Variants in ITIH5 observed in about 807,000 individuals in gnomAD.
ITIH5 encodes inter-alpha-trypsin inhibitor heavy chain H5.
A neutral mutation model predicts 77.5 loss-of-function variants in ITIH5; 65 were observed. That is an observed-to-expected ratio of 0.84 (90% CI 0.69 to 1.03). ITIH5 has a LOEUF of 1.03. ITIH5 is among the 50% of genes least tolerant of loss of function. The pLI, the probability that ITIH5 is intolerant of heterozygous loss-of-function variation, is 0.00. For missense variants in ITIH5, 1,208 were observed against 1,213.1 expected, an observed-to-expected ratio of 1.00 and a Z score of 0.06; for synonymous variants, 525 against 494.3, an observed-to-expected ratio of 1.06 and a Z score of -0.82.
rs748350605 is a variant in ITIH5, at chr10:7,666,793, C to A, written c.90+10G>T. On this transcript the variant is annotated intron_variant, in intron 1 of 13. Transcript: ENST00000397146. ...GCGCCCGGGACCCGGCTCCCCTCGG[C>A]TCCACTTACCTGCTCCGAAGAGTGG... is the stretch of plus-strand genomic sequence containing the variant. 1.9e-6 allele frequency: 3 copies of A among 1,600,804 alleles called. No homozygotes were observed. Among genetic ancestry groups the A allele is most frequent in the Non-Finnish European group, 2.6e-6 (3 of 1,174,036 alleles).
At chr10:7,611,510 T>C (rs1833243555) in intron 7 of ITIH5, among the ~76,000 whole-genome samples, 1 of 150,484 alleles carries the variant, frequency 6.6e-6, no homozygotes, top group African/African-American at 2.4e-5. Flanking sequence ...GGGCACTGGA[T>C]TGGACTAGGT....
At position 7,617,247 on chromosome 10, in the gene ITIH5, G is replaced by C. The variant is rs1244762516; in HGVS notation, c.688C>G (p.Gln230Glu). Residue 230 changes from glutamine to glutamate, a missense_variant, in exon 6 of 14, where the codon CAA (glutamine) becomes GAA (glutamate). Gln to Glu is a conservative substitution (Grantham distance 29, BLOSUM62 2). Coordinates refer to ENST00000397146, the MANE Select transcript of ITIH5 (RefSeq NM_030569.7). ...SGPPPSTVINQNETFANIIFK... is the reference protein window; with the variant it reads ...SGPPPSTVINENETFANIIFK... ...ATTATGTTGGCAAATGTTTCATTTT[G>C]GTTAATGACAGTAGATGGGGGAGGC... is the stretch of plus-strand genomic sequence containing the variant. 2.5e-6 allele frequency: 4 copies of C among 1,595,964 alleles called. No individual in the cohort carries two copies. In the Admixed American group the frequency reaches 6.9e-5, roughly 28 times the overall value.
intron 13 of ITIH5, among the ~76,000 whole-genome samples, chr10:7,565,574 T>A (rs1832133710): frequency 6.7e-6 from 1 of 149,092 alleles, no homozygotes; most frequent in Non-Finnish European, 1.5e-5. Flanking sequence ...ACAGACGGTA[T>A]ATATAATACA....
chr10:7,597,285 G>C (rs1832923300), intron 7 of ITIH5, among the ~76,000 whole-genome samples: 1 of 152,058 alleles, frequency 6.6e-6, no homozygotes, highest in Non-Finnish European at 1.5e-5. Flanking sequence ...ACTGTCCTTG[G>C]GCCTTCCTGA....
chr10:7,664,802 A>G (rs1337328030), intron 1 of ITIH5, among the ~76,000 whole-genome samples: 2 of 152,262 alleles, frequency 1.3e-5, no homozygotes, highest in African/African-American at 2.4e-5. Context: ...TTTAAAGACC[A>G]TAATGATTGA....
intron 8 of ITIH5, among the ~76,000 whole-genome samples, chr10:7,582,059 G>C (rs1832572586): frequency 6.6e-6 from 1 of 150,928 alleles, no homozygotes; most frequent in East Asian, 1.9e-4. Context: ...TACTTTTTTA[G>C]TAGAGACGGG....
At chr10:7,587,329 G>T (rs1002567988) in intron 7 of ITIH5, among the ~76,000 whole-genome samples, 3 of 152,212 alleles carry the variant, frequency 2.0e-5, no homozygotes, top group Non-Finnish European at 4.4e-5. Flanking sequence ...CATAGACACT[G>T]TGAGCAAACT....
intron 1 of ITIH5, among the ~76,000 whole-genome samples, chr10:7,661,790 A>G (rs1388988101): frequency 6.6e-6 from 1 of 152,054 alleles, no homozygotes; most frequent in East Asian, 1.9e-4. Flanking sequence ...AGCCTTGACT[A>G]CCTGGGCTCA....
In ITIH5 at chr10:7,576,633, G is replaced by T. The variant is rs752162414; in HGVS notation, c.1798C>A (p.Arg600=). 44 of 1,614,038 alleles carry T rather than the reference G, an allele frequency of 2.7e-5. No individual in the cohort carries two copies. In the South Asian group the frequency reaches 4.7e-4, roughly 17 times the overall value. Residue 600 remains arginine, a synonymous_variant, in exon 10 of 14, where the codon CGG becomes AGG. Transcript: ENST00000397146. The stretch of plus-strand genomic sequence containing the variant: ...AGGGCCTGGGCCCGCTGCCGCAGCC[G>T]CTCCTTCTCCGGTTCATCGTCACTT... The part of the protein sequence containing the change: ...LQSDDEPEKE[R]LRQRAQALAV...
In ITIH5 at chr10:7,628,972, C is replaced by CGTGTGTCCCTGTTGT. The variant is rs1411285669; in HGVS notation, c.652+8255_652+8256insACAACAGGGACACAC. On this transcript the variant is annotated intron_variant, in intron 5 of 13. Transcript: ENST00000397146. Reference sequence around the variant, plus strand: ...GTTGTAGCGTGTGTCCGTGTTGTAGCATGTGTCCGTGTTGTGGCATGCATC... The same window carrying CGTGTGTCCCTGTTGT: ...GTTGTAGCGTGTGTCCGTGTTGTAGCGTGTGTCCCTGTTGTATGTGTCCGTGTTGTGGCATGCATC... Among the ~76,000 whole-genome samples, 12 of 129,546 alleles carry CGTGTGTCCCTGTTGT rather than the reference C, an allele frequency of 9.3e-5. 1 individual carries two copies. Among genetic ancestry groups the CGTGTGTCCCTGTTGT allele is most frequent in the Non-Finnish European group, 1.7e-4 (10 of 57,678 alleles). The allele number at this position is 129,546 out of a possible 152,430, so 85.0% of individuals were successfully genotyped here.
chr10:7,617,101 C>T lies in ITIH5; in HGVS notation c.822+12G>A, dbSNP rs554661846. 6.7e-5 allele frequency: 101 copies of T among 1,506,518 alleles called. No individual in the cohort carries two copies. The East Asian group carries it at 1.4e-3, about 21-fold the overall frequency. 93.3% of individuals were successfully genotyped at this position (1,506,518 alleles called of 1,614,324 possible). The stretch of plus-strand genomic sequence containing the variant: ...ACCAACCAACATGAAATAGCAACGA[C>T]GATCCTATTACCTGGATGTCCCCAA... On this transcript the variant is annotated intron_variant, in intron 6 of 13. Transcript: ENST00000397146.
chr10:7,578,629 G>A (rs1382145836), intron 9 of ITIH5: 5 of 152,170 alleles, frequency 3.3e-5, no homozygotes, highest in African/African-American at 9.7e-5. Context: ...GCACACCTTA[G>A]GTGTCTCCAT....
At chr10:7,623,805 A>T (rs1228674157) in intron 5 of ITIH5, among the ~76,000 whole-genome samples, 4 of 150,100 alleles carry the variant, frequency 2.7e-5, no homozygotes, top group Non-Finnish European at 4.4e-5. Flanking sequence ...TCCATCTCAA[A>T]AAAAAAAAAA....
chr10:7,637,179 C>T, intron 5 of ITIH5, 49 bp downstream of exon 5: 1 of 1,570,906 alleles, frequency 6.4e-7, no homozygotes, highest in Non-Finnish European at 8.6e-7. Context: ...CAAGGACCAG[C>T]TGGGTGTTTT....
intron 7 of ITIH5, among the ~76,000 whole-genome samples, chr10:7,589,987 C>A (rs1399497493): frequency 2.0e-5 from 3 of 147,998 alleles, no homozygotes; most frequent in African/African-American, 7.5e-5. Flanking sequence ...GAGGTTCTCA[C>A]CTCCAGGTGA....
At chr10:7,644,365 A>C (rs905941313) in intron 2 of ITIH5, among the ~76,000 whole-genome samples, 1 of 146,822 alleles carries the variant, frequency 6.8e-6, no homozygotes, top group South Asian at 2.1e-4. Flanking sequence ...TATCATATAT[A>C]TCACATATAT....
chr10:7,657,041 C>CTTTTT (rs56737624), intron 1 of ITIH5, among the ~76,000 whole-genome samples: 1 of 99,870 alleles, frequency 1.0e-5, no homozygotes, highest in Non-Finnish European at 2.0e-5. Flanking sequence ...CGCGTTCGGC[C>CTTTTT]TTTTTTTTTT....
intron 7 of ITIH5, among the ~76,000 whole-genome samples, chr10:7,614,621 G>A (rs1348757194): frequency 6.6e-6 from 1 of 152,042 alleles, no homozygotes; most frequent in Non-Finnish European, 1.5e-5. Flanking sequence ...TTAAACCCTA[G>A]TCTCACTTCA....
At chr10:7,631,041 G>GAA (rs34594958) in intron 5 of ITIH5, among the ~76,000 whole-genome samples, 1 of 145,002 alleles carries the variant, frequency 6.9e-6, no homozygotes. Flanking sequence ...AGCAGCCCAG[G>GAA]AAAAAAAAAA....
Sources: gnomAD v4.1 joint callset for allele counts (sites outside exome capture counted in the v4.1 genomes callset) on GRCh38, gnomAD v4.1.1 for gene constraint, MANE v1.5 for transcripts, NCBI Gene and HGNC (gene_info 2026-07-23, HGNC 2026-07-21) for gene names.